The following MGAT4C variants were observed in gnomAD, a reference collection of about 807,000 sequenced individuals.
MGAT4C encodes alpha-1,3-mannosyl-glycoprotein 4-beta-N-acetylglucosaminyltransferase C.
Under a neutral mutation model 40.1 loss-of-function variants are expected in MGAT4C, and 19 were observed. The ratio of observed to expected loss-of-function variants is 0.47; its 90% CI spans 0.33 to 0.70. The LOEUF (loss-of-function observed/expected upper bound fraction) is 0.70, where lower values mean the gene tolerates loss of function less well. Among genes scored for constraint, MGAT4C ranks in the 30% least tolerant of loss-of-function variants. The pLI is 0.02. For synonymous variants in MGAT4C, 181 were observed against 187.1 expected, an observed-to-expected ratio of 0.97 and a Z score of 0.27; for missense variants, 491 against 563.2, an observed-to-expected ratio of 0.87 and a Z score of 1.30.
At chr12:86,337,471 T>C (rs1339505664) in intron 3 of MGAT4C, among the ~76,000 whole-genome samples, 2 of 151,054 alleles carry the variant, frequency 1.3e-5, no homozygotes, top group Non-Finnish European at 2.9e-5. Context: ...TAGTCCCAGC[T>C]ACTTGAGAGG....
intron 2 of MGAT4C, among the ~76,000 whole-genome samples, chr12:86,631,033 G>T (rs1963018954): frequency 6.6e-6 from 1 of 152,106 alleles, no homozygotes; most frequent in African/African-American, 2.4e-5. Context: ...ATCTCCTTAA[G>T]CTGATAAGCA....
In MGAT4C at chr12:86,074,392, C is replaced by A. The variant is rs139197946; in HGVS notation, c.-56-24669G>T. ...TAGATAGATATTCCATTACTTCTAT[C>A]CCTCTAGAGAACCCTGACTAATACA... On this transcript the variant is annotated intron_variant, in intron 1 of 4. Coordinates refer to ENST00000611864, the MANE Select transcript of MGAT4C (RefSeq NM_001351288.2). Among the ~76,000 whole-genome samples, 1,194 of 152,024 alleles carry A rather than the reference C, an allele frequency of 7.9e-3. 8 individuals are homozygous for A. Among genetic ancestry groups the A allele is most frequent in the African/African-American group, 0.028 (1,150 of 41,480 alleles).
At chr12:86,403,125 GT>G (rs1956402139) in intron 3 of MGAT4C, among the ~76,000 whole-genome samples, 1 of 152,128 alleles carries the variant, frequency 6.6e-6, no homozygotes, top group Non-Finnish European at 1.5e-5. Flanking sequence ...TATCACTACT[GT>G]TATGGCATCT....
chr12:86,062,517 A>G lies in MGAT4C; in HGVS notation c.-56-12794T>C, dbSNP rs560961266. On this transcript the variant is annotated intron_variant, in intron 1 of 4. Coordinates refer to ENST00000611864, the MANE Select transcript of MGAT4C (RefSeq NM_001351288.2). The stretch of plus-strand genomic sequence containing the variant: ...CACCAGCAAGGGAACAAAACTGGAC[A>G]GAGAAGGAGTTTGACGAATTGACAG... Among the ~76,000 whole-genome samples, 29 of 152,228 alleles carry G rather than the reference A, an allele frequency of 1.9e-4. 1 individual carries two copies. The highest frequency in any genetic ancestry group is 6.8e-3 in the Middle Eastern group (2 of 294).
intron 1 of MGAT4C, among the ~76,000 whole-genome samples, chr12:86,751,889 T>TA (rs758918431): frequency 6.6e-6 from 1 of 152,064 alleles, no homozygotes; most frequent in African/African-American, 2.4e-5. Flanking sequence ...ATTAGGCTTA[T>TA]AAAATCTCAA....
chr12:86,509,091 T>G (rs1958525424), intron 2 of MGAT4C, among the ~76,000 whole-genome samples: 3 of 152,160 alleles, frequency 2.0e-5, no homozygotes, highest in Admixed American at 1.3e-4. Context: ...AATTTTGTCT[T>G]TTGTTGCCAT....
intron 1 of MGAT4C, among the ~76,000 whole-genome samples, chr12:86,128,897 C>T (rs906395813): frequency 2.0e-5 from 3 of 152,038 alleles, no homozygotes; most frequent in African/African-American, 7.2e-5. Context: ...ATGTGGCTAG[C>T]CAATTACTCA....
intron 2 of MGAT4C, among the ~76,000 whole-genome samples, chr12:86,672,071 A>G (rs1964267884): frequency 1.3e-5 from 2 of 152,174 alleles, no homozygotes; most frequent in African/African-American, 4.8e-5. Flanking sequence ...GAACCTTGAA[A>G]TAATATCAAG....
intron 2 of MGAT4C, among the ~76,000 whole-genome samples, chr12:86,579,161 A>C (rs562946011): frequency 6.6e-6 from 1 of 151,642 alleles, no homozygotes; most frequent in East Asian, 1.9e-4. Flanking sequence ...CAATGTTATT[A>C]TTGATAAGTA....
intron 3 of MGAT4C, among the ~76,000 whole-genome samples, chr12:86,348,442 A>G (rs1221838659): frequency 6.6e-6 from 1 of 151,954 alleles, no homozygotes; most frequent in Non-Finnish European, 1.5e-5. Context: ...AGAATGTTTC[A>G]TCATTTCTTG....
chr12:86,763,789 G>C (rs1016834655), intron 1 of MGAT4C, among the ~76,000 whole-genome samples: 2 of 152,072 alleles, frequency 1.3e-5, no homozygotes, highest in Admixed American at 6.6e-5. Context: ...TCTATAATTG[G>C]TAGTTAAAAT....
chr12:86,523,391 C>T (rs61093757), intron 2 of MGAT4C, among the ~76,000 whole-genome samples: 8,447 of 152,058 alleles, frequency 0.056, 551 homozygotes, highest in East Asian at 0.24. Flanking sequence ...TCCATGTAAA[C>T]ATATGGTTTT....
chr12:86,834,165 GAGAT>G (rs1478392223), intron 1 of MGAT4C, among the ~76,000 whole-genome samples: 6 of 137,876 alleles, frequency 4.4e-5, no homozygotes, highest in Admixed American at 7.3e-5. Context: ...TCTATAGATA[GAGAT>G]AGATAGATAT....
In MGAT4C at chr12:86,502,775, ACGAG is replaced by A. The variant is rs1958377254; in HGVS notation, c.-228-67514_-228-67511del. 1.5e-4 allele frequency among the ~76,000 whole-genome samples: 19 copies of A among 129,680 alleles called. 1 individual carries two copies. Among genetic ancestry groups the A allele is most frequent in the African/African-American group, 4.8e-4 (17 of 35,550 alleles). The allele number at this position is 129,680 out of a possible 152,430, so 85.1% of individuals were successfully genotyped here. On this transcript the variant is annotated intron_variant, in intron 2 of 7. Transcript: ENST00000548651. ...GAGTTCTGCTCATATATATGTATACACGAGTTCTGCTCATATATATGTATACACG... is the reference window on the plus strand; with the variant it reads ...GAGTTCTGCTCATATATATGTATACATTCTGCTCATATATATGTATACACG...
At chr12:86,547,792 A>G (rs60659750) in intron 2 of MGAT4C, among the ~76,000 whole-genome samples, 8,922 of 152,182 alleles carry the variant, frequency 0.059, 422 homozygotes, top group East Asian at 0.24. Flanking sequence ...ACCAACCACA[A>G]AAAGAGACAG....
At chr12:86,101,746 T>A (rs1257875427) in intron 1 of MGAT4C, among the ~76,000 whole-genome samples, 2 of 151,832 alleles carry the variant, frequency 1.3e-5, no homozygotes, top group African/African-American at 4.8e-5. Context: ...TATGATTTAG[T>A]CTAAATACTC....
intron 1 of MGAT4C, among the ~76,000 whole-genome samples, chr12:86,076,647 A>G (rs1869784358): frequency 6.6e-6 from 1 of 152,158 alleles, no homozygotes; most frequent in South Asian, 2.1e-4. Flanking sequence ...GTGGCAAGAG[A>G]AAAATGAGGA....
chr12:86,584,617 A>G (rs746546765), intron 2 of MGAT4C, among the ~76,000 whole-genome samples: 12 of 151,292 alleles, frequency 7.9e-5, no homozygotes, highest in Non-Finnish European at 1.6e-4. Flanking sequence ...TATGTGATTA[A>G]ACTTCAATTT....
chr12:86,258,633 T>C (rs2061059184), upstream of MGAT4C, among the ~76,000 whole-genome samples: 1 of 152,070 alleles, frequency 6.6e-6, no homozygotes, highest in Admixed American at 6.6e-5. Flanking sequence ...ATAAGGTACC[T>C]AGTAAAGAAA....
Sources: gnomAD v4.1 joint callset for allele counts (sites outside exome capture counted in the v4.1 genomes callset) on GRCh38, gnomAD v4.1.1 for gene constraint, MANE v1.5 for transcripts, NCBI Gene and HGNC (gene_info 2026-07-23, HGNC 2026-07-21) for gene names.